The following PPM1H variants were observed in gnomAD, a reference collection of about 807,000 sequenced individuals.
PPM1H encodes protein phosphatase, Mg2+/Mn2+ dependent 1H.
PPM1H carries 27 observed loss-of-function variants against 54.9 expected under a neutral mutation model. The observed-to-expected ratio is 0.49, with a 90% CI of 0.36 to 0.68. PPM1H has a LOEUF of 0.68. Ranked by LOEUF, PPM1H falls within the 30% of genes least tolerant of loss-of-function variation. PPM1H has a pLI of 0.00. For missense variants in PPM1H, 596 were observed against 667.8 expected (o/e 0.89, Z 1.19); for synonymous variants, 305 against 270.8 (o/e 1.13, Z -1.24).
intron 3 of PPM1H, among the ~76,000 whole-genome samples, chr12:62,792,806 T>C (rs932198293): frequency 3.3e-5 from 5 of 152,188 alleles, no homozygotes; most frequent in Non-Finnish European, 7.3e-5. Context: ...TCACAAAATC[T>C]TAGTACTGAA....
chr12:62,674,228 A>T lies in PPM1H; in HGVS notation c.1246-6899T>A, dbSNP rs564315342. ...TAGTTGGTAGAAGGAAAGGATTAAG[A>T]GTGGGCTCAGGGAAACTGGGATTCA... On this transcript the variant is annotated intron_variant, in intron 8 of 9. Transcript: ENST00000228705. Among the ~76,000 whole-genome samples, 86 of 152,298 alleles carry T rather than the reference A, an allele frequency of 5.6e-4. 1 individual carries two copies. Among genetic ancestry groups the T allele is most frequent in the African/African-American group, 2.0e-3 (85 of 41,570 alleles).
At chr12:62,680,509 A>G (rs553972279) in intron 8 of PPM1H, among the ~76,000 whole-genome samples, 51 of 152,202 alleles carry the variant, frequency 3.4e-4, no homozygotes, top group Middle Eastern at 6.8e-3. Flanking sequence ...CACTCTTAGA[A>G]TATTTCCTCT....
chr12:62,894,737 A>T (rs1870921141), intron 1 of PPM1H, among the ~76,000 whole-genome samples: 1 of 152,200 alleles, frequency 6.6e-6, no homozygotes, highest in African/African-American at 2.4e-5. Context: ...AGGCTTATTC[A>T]TAAGTTCAAA....
intron 8 of PPM1H, among the ~76,000 whole-genome samples, chr12:62,684,625 C>T (rs1317075996): frequency 1.3e-5 from 2 of 152,138 alleles, no homozygotes; most frequent in Admixed American, 1.3e-4. Flanking sequence ...ACCCCCAGCC[C>T]CCTACAACTG....
intron 3 of PPM1H, among the ~76,000 whole-genome samples, chr12:62,789,362 C>T (rs1473311800): frequency 6.6e-6 from 1 of 152,210 alleles, no homozygotes; most frequent in Admixed American, 6.5e-5. Flanking sequence ...AGATAAATTA[C>T]AGAAAGATGT....
At position 62,724,032 on chromosome 12, in the gene PPM1H, C is replaced by T. The variant is rs868248814; in HGVS notation, c.955-3743G>A. 8.5e-5 allele frequency among the ~76,000 whole-genome samples: 13 copies of T among 152,226 alleles called. 1 individual carries two copies. The Middle Eastern group carries it at 0.017, about 199-fold the overall frequency. ...GACCCGATTCCAGAGGGGCCCTGCA[C>T]CATACCCAGAGGAAAGAAATATCAC... On this transcript the variant is annotated intron_variant, in intron 5 of 9. Coordinates refer to ENST00000228705, the MANE Select transcript of PPM1H (RefSeq NM_020700.2).
At chr12:62,660,281 G>A (rs188466992) in intron 9 of PPM1H, among the ~76,000 whole-genome samples, 68 of 152,228 alleles carry the variant, frequency 4.5e-4, no homozygotes, top group Non-Finnish European at 8.7e-4. Context: ...ACATGAAAGA[G>A]AACACTGTTT....
rs539093872 is a variant in PPM1H at position 62,758,397 on chromosome 12, G to A, written c.870-20811C>T. 1.8e-3 allele frequency among the ~76,000 whole-genome samples: 268 copies of A among 152,344 alleles called. 2 individuals are homozygous for A. Among genetic ancestry groups the A allele is most frequent in the African/African-American group, 6.0e-3 (248 of 41,588 alleles). ...TCTCACCAAAGGGAGGTCCCTGCCT[G>A]TGTGGGGTTTCCATATTTATACTGC... On this transcript the variant is annotated intron_variant, in intron 4 of 9. Transcript: ENST00000228705.
intron 6 of PPM1H, among the ~76,000 whole-genome samples, chr12:62,713,985 AC>A (rs200887800): frequency 5.0e-4 from 76 of 151,932 alleles, no homozygotes; most frequent in South Asian, 2.5e-3. Flanking sequence ...AACAAAAAAA[AC>A]AAACCAAAAC....
At chr12:62,721,364 C>T (rs1449715341) in intron 5 of PPM1H, among the ~76,000 whole-genome samples, 2 of 152,134 alleles carry the variant, frequency 1.3e-5, no homozygotes, top group African/African-American at 4.8e-5. Context: ...TCATATTTGC[C>T]CAGATATGGA....
chr12:62,663,966 T>A (rs1174443628), intron 9 of PPM1H, among the ~76,000 whole-genome samples: 1 of 148,364 alleles, frequency 6.7e-6, no homozygotes, highest in East Asian at 2.0e-4. Flanking sequence ...CACTCCAGCC[T>A]GGGCAACAAG....
At chr12:62,678,562 A>G (rs896273529) in intron 8 of PPM1H, among the ~76,000 whole-genome samples, 3 of 152,230 alleles carry the variant, frequency 2.0e-5, no homozygotes, top group African/African-American at 7.2e-5. Flanking sequence ...TAAATGACAC[A>G]CAGATGCACA....
chr12:62,891,576 C>T (rs1435866191), intron 1 of PPM1H, among the ~76,000 whole-genome samples: 1 of 152,162 alleles, frequency 6.6e-6, no homozygotes, highest in African/African-American at 2.4e-5. Context: ...TCATATGCTC[C>T]ACTATTGTCT....
intron 6 of PPM1H, among the ~76,000 whole-genome samples, chr12:62,703,862 G>A (rs1236338759): frequency 6.6e-6 from 1 of 151,916 alleles, no homozygotes; most frequent in Non-Finnish European, 1.5e-5. Flanking sequence ...AAGGAATCAG[G>A]CCCCAAGTCT....
At chr12:62,698,110 A>G (rs1347278466) in intron 6 of PPM1H, among the ~76,000 whole-genome samples, 1 of 152,024 alleles carries the variant, frequency 6.6e-6, no homozygotes, top group Admixed American at 6.6e-5. Context: ...TAAAAAAAAA[A>G]GCCACTGTTG....
chr12:62,928,335 T>C (rs756959170), intron 1 of PPM1H, among the ~76,000 whole-genome samples: 6 of 152,274 alleles, frequency 3.9e-5, no homozygotes, highest in Admixed American at 3.9e-4. Flanking sequence ...AAAAACAACT[T>C]GGGAAAGGCT....
chr12:62,773,491 T>A (rs1010035202), intron 4 of PPM1H, among the ~76,000 whole-genome samples: 1 of 151,980 alleles, frequency 6.6e-6, no homozygotes, highest in Non-Finnish European at 1.5e-5. Context: ...TTTTTTTTAA[T>A]AAAAATTTTT....
At chr12:62,714,319 TA>T (rs1404128197) in intron 6 of PPM1H, among the ~76,000 whole-genome samples, 1 of 152,170 alleles carries the variant, frequency 6.6e-6, no homozygotes, top group East Asian at 1.9e-4. Flanking sequence ...TTTGCCTCAA[TA>T]AAAGTAGAAA....
intron 1 of PPM1H, among the ~76,000 whole-genome samples, chr12:62,867,563 T>TA (rs1869821933): frequency 2.6e-5 from 3 of 116,256 alleles, no homozygotes; most frequent in Non-Finnish European, 3.5e-5. Flanking sequence ...TTATGAGCAC[T>TA]ATTTTTTTTT....
Sources: allele counts gnomAD v4.1 joint callset (sites outside exome capture counted in the v4.1 genomes callset), GRCh38; gene constraint gnomAD v4.1.1; transcripts MANE v1.5; gene names NCBI Gene and HGNC (gene_info 2026-07-23, HGNC 2026-07-21).